Variants in CCNB3 observed in about 807,000 individuals in gnomAD.
CCNB3 encodes the protein cyclin B3.
CCNB3 carries 12 observed loss-of-function variants against 68.0 expected under a neutral mutation model. That is an observed-to-expected ratio of 0.18 (90% confidence interval 0.11 to 0.29). The LOEUF (loss-of-function observed/expected upper bound fraction) is 0.29, where lower values mean the gene tolerates loss of function less well. Ranked by LOEUF, CCNB3 falls within the 10% of genes least tolerant of loss-of-function variation. The pLI, the probability that CCNB3 is intolerant of heterozygous loss-of-function variation, is 1.00. For synonymous variants in CCNB3, 354 were observed against 388.9 expected (o/e 0.91, Z 1.06); for missense variants, 904 against 993.1 (o/e 0.91, Z 1.21).
At chrX:50,341,361 AAATAAATAAAT>A (rs1439170673) in intron 8 of CCNB3, among the ~76,000 whole-genome samples, 1 of 107,602 alleles carries the variant, frequency 9.3e-6, no homozygotes, top group African/African-American at 3.3e-5. Context: ...ATAAATAAAT[AAATAAATAAAT>A]AAGTAAAAAT....
At chrX:50,296,968 A>G (rs1237382695) in intron 5 of CCNB3, among the ~76,000 whole-genome samples, 5 of 110,158 alleles carry the variant, frequency 4.5e-5, no homozygotes, top group African/African-American at 1.7e-4. Flanking sequence ...CCACTTTTTG[A>G]TGGGGTTGTT....
intron 1 of CCNB3, among the ~76,000 whole-genome samples, chrX:50,212,357 G>A (rs1248750391): frequency 4.5e-5 from 5 of 111,847 alleles, no homozygotes; most frequent in African/African-American, 1.6e-4. Context: ...GGCCAAGGAC[G>A]TTGAATCCTG....
At chrX:50,217,254 T>C (rs1184636150) in intron 1 of CCNB3, among the ~76,000 whole-genome samples, 1 of 103,290 alleles carries the variant, frequency 9.7e-6, no homozygotes, top group Non-Finnish European at 2.0e-5. Context: ...GTCTTGAGTT[T>C]CCCTTCACTC....
At chrX:50,223,867 G>A (rs1334110718) in intron 1 of CCNB3, among the ~76,000 whole-genome samples, 1 of 112,038 alleles carries the variant, frequency 8.9e-6, no homozygotes, top group Non-Finnish European at 1.9e-5. Flanking sequence ...TGTGCCCACA[G>A]CTGCCATTTC....
chrX:50,291,206 G>T (rs986625194), intron 4 of CCNB3, among the ~76,000 whole-genome samples: 22 of 111,967 alleles, frequency 2.0e-4, no homozygotes, highest in Non-Finnish European at 9.4e-5. Flanking sequence ...TTAAGAACTG[G>T]TGCTAAGCCA....
At chrX:50,228,047 A>T (rs1348872778) in intron 1 of CCNB3, among the ~76,000 whole-genome samples, 4 of 78,022 alleles carry the variant, frequency 5.1e-5, no homozygotes, top group Non-Finnish European at 9.3e-5. Context: ...GAGAATATAT[A>T]TATAAATATA....
intron 1 of CCNB3, among the ~76,000 whole-genome samples, chrX:50,225,971 T>G (rs1464087417): frequency 4.3e-5 from 4 of 92,927 alleles, no homozygotes; most frequent in African/African-American, 1.5e-4. Context: ...CAAGAGGACC[T>G]GGGATCATAT....
At chrX:50,322,146 G>A (rs1922051725) in intron 8 of CCNB3, among the ~76,000 whole-genome samples, 1 of 106,465 alleles carries the variant, frequency 9.4e-6, no homozygotes, top group South Asian at 4.4e-4. Flanking sequence ...AAAGCTGGAG[G>A]CATCATGCTA....
chrX:50,322,665 T>C (rs374255696), intron 8 of CCNB3, among the ~76,000 whole-genome samples: 2 of 111,804 alleles, frequency 1.8e-5, no homozygotes, highest in Admixed American at 1.9e-4. Flanking sequence ...ATTTTTGCAA[T>C]CTACTCATCT....
chrX:50,287,952 A>G (rs1278028705), intron 3 of CCNB3, among the ~76,000 whole-genome samples: 1 of 108,655 alleles, frequency 9.2e-6, no homozygotes, highest in Middle Eastern at 4.6e-3. Flanking sequence ...TCATAGAAGC[A>G]TGAACCCTAT....
intron 3 of CCNB3, among the ~76,000 whole-genome samples, chrX:50,287,437 A>G (rs1448593573): frequency 2.7e-5 from 3 of 112,034 alleles, no homozygotes; most frequent in African/African-American, 9.7e-5. Context: ...GAGGTTTACA[A>G]TCATATCAGA....
chrX:50,310,927 A>G lies in CCNB3; in HGVS notation c.2758A>G (p.Thr920Ala), dbSNP rs1301088414. 8.2e-7 allele frequency: 1 copy of G among 1,212,230 alleles called. No individual in the cohort carries two copies. Among genetic ancestry groups the G allele is most frequent in the Non-Finnish European group, 1.1e-6 (1 of 895,559 alleles). The change falls in exon 6 of 13, where the codon ACC (threonine) becomes GCC (alanine). Residue 920 changes from threonine (T) to alanine (A), a missense_variant. Physicochemically the swap from Thr to Ala is moderately conservative, Grantham distance 58. Transcript: ENST00000376042. ...AAAGCCATTAGCCTTGAAGATGTCT[A>G]CCATCAATGAGGCAGTCCTCTTCGA... The part of the protein sequence containing the change: ...LKKPLALKMS[T>A]INEAVLFEDM...
At chrX:50,211,158 G>A (rs1935476062) in intron 1 of CCNB3, among the ~76,000 whole-genome samples, 2 of 111,115 alleles carry the variant, frequency 1.8e-5, no homozygotes, top group Non-Finnish European at 3.8e-5. Context: ...AGCTACTCTG[G>A]AGGCTGAAGC....
At chrX:50,227,040 A>C (rs1175003275) in intron 1 of CCNB3, among the ~76,000 whole-genome samples, 2 of 80,272 alleles carry the variant, frequency 2.5e-5, no homozygotes, top group African/African-American at 5.0e-5. Context: ...AATATATAGA[A>C]TATATACAAA....
intron 8 of CCNB3, among the ~76,000 whole-genome samples, chrX:50,325,089 G>T (rs1922228613): frequency 9.0e-6 from 1 of 110,722 alleles, no homozygotes; most frequent in Admixed American, 9.7e-5. Flanking sequence ...AGGGTACAAT[G>T]ATCATTATAT....
chrX:50,228,346 C>T (rs1460014354), intron 1 of CCNB3, among the ~76,000 whole-genome samples: 2 of 81,409 alleles, frequency 2.5e-5, no homozygotes, highest in South Asian at 5.7e-4. Context: ...TATATACATA[C>T]ATATATAGAA....
At chrX:50,228,140 T>C (rs1935951670) in intron 1 of CCNB3, among the ~76,000 whole-genome samples, 1 of 90,251 alleles carries the variant, frequency 1.1e-5, no homozygotes, top group Non-Finnish European at 2.1e-5. Context: ...ATATACATAA[T>C]ATATATATAA....
chrX:50,327,339 A>T (rs782012350), intron 8 of CCNB3, among the ~76,000 whole-genome samples: 2 of 112,605 alleles, frequency 1.8e-5, no homozygotes, highest in Non-Finnish European at 3.7e-5. Context: ...GAAGGATTAG[A>T]CTTGTTCTAT....
intron 5 of CCNB3, among the ~76,000 whole-genome samples, chrX:50,307,860 T>A (rs2147058369): frequency 8.9e-6 from 1 of 112,203 alleles, no homozygotes; most frequent in African/African-American, 3.2e-5. Context: ...TGAAATTCTC[T>A]CTCTTCTTAT....
Sources: allele counts gnomAD v4.1 joint callset (sites outside exome capture counted in the v4.1 genomes callset), GRCh38; gene constraint gnomAD v4.1.1; transcripts MANE v1.5; gene names NCBI Gene and HGNC (gene_info 2026-07-23, HGNC 2026-07-21).